ADGRE1: variants seen among roughly 807,000 people sequenced by gnomAD.
The protein encoded by ADGRE1 is adhesion G protein-coupled receptor E1.
ADGRE1 carries 82 observed loss-of-function variants against 102.7 expected under a neutral mutation model. The ratio of observed to expected loss-of-function variants is 0.80; its 90% CI spans 0.67 to 0.96. ADGRE1 has a LOEUF of 0.96. ADGRE1 is among the 40% of genes least tolerant of loss of function. ADGRE1 has a pLI of 0.00. For synonymous variants in ADGRE1, 398 were observed against 399.6 expected (o/e 1.00, Z 0.05); for missense variants, 1,032 against 1,085.3 (o/e 0.95, Z 0.69).
intron 18 of ADGRE1, among the ~76,000 whole-genome samples, chr19:6,935,675 T>A (rs1340520158): frequency 2.0e-5 from 3 of 152,320 alleles, no homozygotes; most frequent in Middle Eastern, 3.4e-3. Flanking sequence ...AGCACCCTTG[T>A]AGGTAAATCC....
At chr19:6,889,032 GAT>G (rs1973249797) in intron 1 of ADGRE1, among the ~76,000 whole-genome samples, 1 of 151,964 alleles carries the variant, frequency 6.6e-6, no homozygotes, top group South Asian at 2.1e-4. Flanking sequence ...TGATGATGAT[GAT>G]AATGGTGATG....
At chr19:6,898,521 T>A in intron 5 of ADGRE1, 1 of 1,551,694 alleles carries the variant, frequency 6.4e-7, no homozygotes, top group Non-Finnish European at 8.9e-7. Flanking sequence ...GTGGGGTGAG[T>A]TCATGTATTT....
At chr19:6,907,681 C>T (rs1448153773) in intron 9 of ADGRE1, among the ~76,000 whole-genome samples, 1 of 152,064 alleles carries the variant, frequency 6.6e-6, no homozygotes, top group East Asian at 1.9e-4. Context: ...ACTCCCCATT[C>T]TCCCCTCCCA....
chr19:6,895,855 G>A (rs330876), intron 2 of ADGRE1: 69,785 of 152,074 alleles, frequency 0.46, 16,182 homozygotes, highest in Middle Eastern at 0.5. Flanking sequence ...GATCTTTGAG[G>A]TACATGGTTA....
chr19:6,913,253 A>G (rs1224798145), intron 10 of ADGRE1, among the ~76,000 whole-genome samples: 1 of 151,872 alleles, frequency 6.6e-6, no homozygotes, highest in Non-Finnish European at 1.5e-5. Context: ...ATCTCAGCTC[A>G]CTGCAAGCTC....
At position 6,908,724 on chromosome 19, in the gene ADGRE1, C is replaced by T. The variant is rs369669710; in HGVS notation, c.1074C>T (p.Ser358=). 14 of 1,568,674 alleles carry T rather than the reference C, an allele frequency of 8.9e-6. No homozygotes were observed. The highest frequency in any genetic ancestry group is 4.8e-5 in the East Asian group (2 of 42,044). ...SFCAQINNIF[S]VLDKVCENKT... ...GTGCACAAATAAATAACATCTTCAGCGTTCTGGACAAAGTGTGTGAAAATA... is the reference window on the plus strand; with the variant it reads ...GTGCACAAATAAATAACATCTTCAGTGTTCTGGACAAAGTGTGTGAAAATA... Residue 358 remains serine (S), a synonymous_variant, in exon 10 of 21, where the codon AGC becomes AGT. Coordinates refer to ENST00000312053, the MANE Select transcript of ADGRE1 (RefSeq NM_001974.5).
In ADGRE1 at chr19:6,935,102, C is replaced by A. The variant is rs252551; in HGVS notation, c.2381+24C>A. The A allele has an allele frequency of 5.1e-6, 8 of 1,556,326 alleles. No individual in the cohort carries two copies. The South Asian group carries it at 5.9e-5, about 12-fold the overall frequency. The stretch of plus-strand genomic sequence containing the variant: ...AGGTAAAGCCCTCTTTCACCTCCCC[C>A]CCTCTTTTAATTTCCTCTTTCTTCT... On this transcript the variant is annotated intron_variant, in intron 18 of 20. Transcript: ENST00000312053.
chr19:6,937,778 A>C, intron 20 of ADGRE1, 130 bp downstream of exon 20: 1 of 694,054 alleles, frequency 1.4e-6, no homozygotes, highest in Non-Finnish European at 2.5e-6. Flanking sequence ...CTCATGGATG[A>C]AGTGTGGAGT....
At chr19:6,910,262 C>T (rs180782715) in intron 10 of ADGRE1, among the ~76,000 whole-genome samples, 42 of 152,044 alleles carry the variant, frequency 2.8e-4, no homozygotes, top group African/African-American at 9.9e-4. Flanking sequence ...TCAATTTCCT[C>T]GAATGTTTTA....
intron 5 of ADGRE1, among the ~76,000 whole-genome samples, chr19:6,899,598 T>C (rs1223442740): frequency 2.6e-5 from 4 of 151,618 alleles, no homozygotes; most frequent in African/African-American, 9.7e-5. Flanking sequence ...GAGAATTGCT[T>C]GAACCTGGGA....
chr19:6,935,205 T>C (rs1179300218), intron 18 of ADGRE1, 127 bp downstream of exon 18: 4 of 520,034 alleles, frequency 7.7e-6, no homozygotes, highest in Non-Finnish European at 9.5e-6. Flanking sequence ...CTGTTTAGCA[T>C]ATCACACCAT....
intron 1 of ADGRE1, 23 bp from the exon 2 acceptor site, chr19:6,890,447 TGGTTCATGGTG>T: frequency 7.8e-6 from 7 of 896,002 alleles, no homozygotes; most frequent in African/African-American, 2.3e-5. Context: ...TTTTTTTTGG[TGGTTCATGGTG>T]TTTTTCTTTT....
At position 6,914,350 on chromosome 19, in the gene ADGRE1, G is replaced by A. The variant is rs557709327; in HGVS notation, c.1300+520G>A. 2.0e-5 allele frequency among the ~76,000 whole-genome samples: 3 copies of A among 152,268 alleles called. No homozygotes were observed. The East Asian group carries it at 5.8e-4, about 29-fold the overall frequency. The stretch of plus-strand genomic sequence containing the variant: ...AAGACAATATAGAACATGGCCTCAA[G>A]TCAATTTACAATAGACCCAAAGCAT... On this transcript the variant is annotated intron_variant, in intron 11 of 20. Transcript: ENST00000312053.
At position 6,920,231 on chromosome 19, in the gene ADGRE1, C is replaced by CTTTTCTTTTTTTTTT. The variant is rs536488711; in HGVS notation, c.1620+488_1620+489insCTTTTTTTTTTTTTT. ...GGATCCTGCTATGTGGTGGTTGCTTCTTTTTTTTTTTTTAGTCTCACTCTG... is the reference window on the plus strand; with the variant it reads ...GGATCCTGCTATGTGGTGGTTGCTTCTTTTCTTTTTTTTTTTTTTTTTTTTTTTAGTCTCACTCTG... On this transcript the variant is annotated intron_variant, in intron 13 of 20. Transcript: ENST00000312053. 2.5e-5 allele frequency among the ~76,000 whole-genome samples: 2 copies of CTTTTCTTTTTTTTTT among 79,808 alleles called. 1 individual carries two copies. The highest frequency in any genetic ancestry group is 5.0e-5 in the Non-Finnish European group (2 of 39,886). The allele number at this position is 79,808 out of a possible 152,430, so 52.4% of individuals were successfully genotyped here. A position where few individuals can be genotyped will look rare whatever the true frequency, so the allele number is the denominator to read the frequency against.
chr19:6,934,889 G>A (rs1457979724), intron 17 of ADGRE1, 98 bp from the exon 18 acceptor site: 3 of 710,812 alleles, frequency 4.2e-6, no homozygotes, highest in Non-Finnish European at 6.3e-6. Context: ...TTACAGACGT[G>A]AGCCACCACG....
In ADGRE1 at chr19:6,921,732, G is replaced by A; in HGVS notation, c.1640G>A (p.Arg547Lys). Residue 547 changes from arginine to lysine, a missense_variant, in exon 14 of 21, where the codon AGG (arginine) becomes AAG (lysine). Transcript: ENST00000312053. ...ENIQPKQKFE[R>K]PICVSWSTDV... is the part of the protein sequence containing the mutation. The stretch of plus-strand genomic sequence containing the variant: ...TTTTAGCCAAAGCAGAAGTTTGAGA[G>A]GCCCATCTGTGTTTCCTGGAGCACT... 1 of 1,603,334 alleles carries A rather than the reference G, an allele frequency of 6.2e-7. No individual in the cohort carries two copies. Among genetic ancestry groups the A allele is most frequent in the Non-Finnish European group, 8.5e-7 (1 of 1,176,442 alleles).
intron 12 of ADGRE1, among the ~76,000 whole-genome samples, chr19:6,918,480 G>A (rs1974489342): frequency 6.6e-6 from 1 of 151,962 alleles, no homozygotes; most frequent in Admixed American, 6.6e-5. Context: ...CTCAATTTAT[G>A]ATGTCTGGGG....
Position 6,916,156 on chromosome 19 carries a change from C to T in ADGRE1, c.1301-93C>T. The T allele has an allele frequency of 2.1e-6, 3 of 1,421,980 alleles. No individual in the cohort carries two copies. In the East Asian group the frequency reaches 7.0e-5, roughly 33 times the overall value. 88.1% of individuals were successfully genotyped at this position (1,421,980 alleles called of 1,614,324 possible). ...ACTTTCTATTCTTTTCCTTTGCTCG[C>T]CATGATGGAGGTGTACCTTTTTTTG... On this transcript the variant is annotated intron_variant, in intron 11 of 20. Transcript: ENST00000312053.
chr19:6,889,681 C>G (rs1478676476), intron 1 of ADGRE1, among the ~76,000 whole-genome samples: 1 of 123,618 alleles, frequency 8.1e-6, no homozygotes, highest in Non-Finnish European at 1.6e-5. Flanking sequence ...GAGTGAGACT[C>G]CATCTCAAAA....
Sources: allele counts gnomAD v4.1 joint callset (sites outside exome capture counted in the v4.1 genomes callset), GRCh38; gene constraint gnomAD v4.1.1; transcripts MANE v1.5; gene names NCBI Gene and HGNC (gene_info 2026-07-23, HGNC 2026-07-21).